RPS24: variants seen among roughly 807,000 people sequenced by gnomAD.
RPS24 encodes small ribosomal subunit protein eS24.
For synonymous variants in RPS24, 72 were observed against 55.6 expected (o/e 1.30, Z -1.31); for missense variants, 100 against 162.5 (o/e 0.62, Z 2.09).
intron 4 of RPS24, among the ~76,000 whole-genome samples, chr10:78,050,155 A>G (rs1848084468): frequency 1.3e-5 from 1 of 78,416 alleles, no homozygotes; most frequent in Middle Eastern, 4.6e-3. Context: ...CTTTGAGTCT[A>G]TGCCTCTCTC....
intron 4 of RPS24, among the ~76,000 whole-genome samples, chr10:78,046,260 T>C (rs1044968300): frequency 2.0e-5 from 3 of 151,984 alleles, no homozygotes; most frequent in African/African-American, 7.3e-5. Context: ...ATACTATTGC[T>C]AATTAATGAC....
intron 4 of RPS24, among the ~76,000 whole-genome samples, chr10:78,046,208 G>T (rs1028026764): frequency 6.6e-6 from 1 of 152,164 alleles, no homozygotes; most frequent in African/African-American, 2.4e-5. Context: ...TCTCTAATGG[G>T]AATACTGTCT....
rs925624726 is a variant in RPS24 at position 78,035,533 on chromosome 10, G to C, written c.92G>C (p.Gly31Ala). The stretch of plus-strand genomic sequence containing the variant: ...TAGGTCATTGATGTCCTTCACCCCG[G>C]GAAGGCGACAGTGCCTAAGACAGAA... Reference protein sequence around the residue: ...KQMVIDVLHPGKATVPKTEIR... With the variant: ...KQMVIDVLHPAKATVPKTEIR... The change falls in exon 3 of 6, where the codon GGG (glycine) becomes GCG (alanine). Residue 31 changes from glycine to alanine, a missense_variant. By Grantham distance (60) the Gly-to-Ala change is moderately conservative (BLOSUM62 0). Transcript: ENST00000372360. 1 of 1,613,944 alleles carries C rather than the reference G, an allele frequency of 6.2e-7. No individual in the cohort carries two copies. Among genetic ancestry groups the C allele is most frequent in the African/African-American group, 1.3e-5 (1 of 74,878 alleles).
exon 5 of RPS24, chr10:78,056,383 A>G (rs1589338222): frequency 6.6e-6 from 1 of 151,948 alleles, no homozygotes; most frequent in South Asian, 2.1e-4. Flanking sequence ...TGCTCCCCAA[A>G]TTTGCTTTTC....
intron 4 of RPS24, among the ~76,000 whole-genome samples, chr10:78,050,816 T>TAGAG (rs1477488413): frequency 6.6e-6 from 1 of 151,364 alleles, no homozygotes; most frequent in East Asian, 1.9e-4. Context: ...AGAGACAGAG[T>TAGAG]CTCTACATTA....
chr10:78,037,299 A>G lies in RPS24; in HGVS notation c.385A>G (p.Lys129Glu). The G allele has an allele frequency of 6.3e-7, 1 of 1,598,098 alleles. No homozygotes were observed. The highest frequency in any genetic ancestry group is 8.5e-7 in the Non-Finnish European group (1 of 1,171,780). The change falls in exon 4 of 6, where the codon AAA becomes GAA. Residue 129 changes from lysine (K) to glutamate (E), a missense_variant. Physicochemically the swap from Lys to Glu is moderately conservative, Grantham distance 56 (BLOSUM62 1). Coordinates refer to ENST00000372360, the MANE Select transcript of RPS24 (RefSeq NM_033022.4). The part of the protein sequence containing the change: ...GTAKANVGAG[K>E]K ...TGCAAAGGCCAATGTTGGTGCTGGC[A>G]AAAAGGTATAGTTCATTAAGGAAAA...
exon 5 of RPS24, chr10:78,054,979 C>T: frequency 2.0e-6 from 3 of 1,481,548 alleles, no homozygotes; most frequent in Non-Finnish European, 2.7e-6. Flanking sequence ...TGCTTCTCCC[C>T]ACCTTCCTGC....
At chr10:78,042,803 C>T (rs530209813), downstream of RPS24, among the ~76,000 whole-genome samples, 3 of 152,294 alleles carry the variant, frequency 2.0e-5, no homozygotes, top group Admixed American at 1.3e-4. Context: ...CCTAGCACCA[C>T]AACCATGAGT....
At chr10:78,051,472 C>T (rs904863733) in intron 4 of RPS24, among the ~76,000 whole-genome samples, 4 of 152,218 alleles carry the variant, frequency 2.6e-5, no homozygotes, top group African/African-American at 9.7e-5. Context: ...GGATTTACCA[C>T]GTCAACATCA....
intron 3 of RPS24, 141 bp from the exon 4 acceptor site, chr10:78,037,053 A>C: frequency 1.1e-6 from 1 of 937,700 alleles, no homozygotes; most frequent in Admixed American, 2.4e-5. Flanking sequence ...TCCAGCAAAA[A>C]CATGCATTAA....
chr10:78,051,482 AGTTGATG>A (rs1848098179), intron 4 of RPS24, among the ~76,000 whole-genome samples: 1 of 152,202 alleles, frequency 6.6e-6, no homozygotes, highest in South Asian at 2.1e-4. Flanking sequence ...CGTCAACATC[AGTTGATG>A]GATATTTGTG....
chr10:78,044,158 G>A (rs991233085), downstream of RPS24, among the ~76,000 whole-genome samples: 2 of 152,098 alleles, frequency 1.3e-5, no homozygotes, highest in Admixed American at 1.3e-4. Flanking sequence ...TCCACTGGGG[G>A]TCTAAGAACG....
At chr10:78,037,357 T>C in intron 4 of RPS24, 53 bp downstream of exon 4, 1 of 1,545,188 alleles carries the variant, frequency 6.5e-7, no homozygotes, top group Non-Finnish European at 8.7e-7. Flanking sequence ...GGTCTTTAGT[T>C]TCTAGGAAAG....
intron 4 of RPS24, among the ~76,000 whole-genome samples, chr10:78,047,493 C>T (rs1298792037): frequency 2.0e-5 from 3 of 152,144 alleles, no homozygotes; most frequent in Non-Finnish European, 2.9e-5. Flanking sequence ...GACGTGGAAG[C>T]GGTCTGCTTT....
downstream of RPS24, among the ~76,000 whole-genome samples, chr10:78,045,018 C>T (rs1231535857): frequency 6.6e-6 from 1 of 151,910 alleles, no homozygotes; most frequent in Non-Finnish European, 1.5e-5. Flanking sequence ...GATGGAGTTT[C>T]ACTCTTGTTG....
downstream of RPS24, among the ~76,000 whole-genome samples, chr10:78,043,918 T>C (rs1255545816): frequency 1.3e-5 from 2 of 151,970 alleles, no homozygotes; most frequent in Admixed American, 6.6e-5. Flanking sequence ...CATCAGAAGG[T>C]CAATAGTAGC....
At chr10:78,035,850 G>C in intron 3 of RPS24, 130 bp downstream of exon 3, 1 of 830,766 alleles carries the variant, frequency 1.2e-6, no homozygotes, top group South Asian at 1.4e-5. Flanking sequence ...AAGAGAAAAA[G>C]TTATTTCATA....
chr10:78,040,198 A>AT lies in RPS24; in HGVS notation c.391-4dup. ...TCTCTTTTTCCCTTCCCCGCCACTGATTCAGTGAGCTGGAGATTGGATCAC... is the reference window on the plus strand; with the variant it reads ...TCTCTTTTTCCCTTCCCCGCCACTGATTTCAGTGAGCTGGAGATTGGATCAC... On this transcript the variant is annotated splice_polypyrimidine_tract_variant and splice_region_variant and intron_variant, in intron 4 of 5. Transcript: ENST00000372360. 6.2e-7 allele frequency: 1 copy of AT among 1,613,482 alleles called. No homozygotes were observed. Among genetic ancestry groups the AT allele is most frequent in the Non-Finnish European group, 8.5e-7 (1 of 1,179,492 alleles).
chr10:78,041,301 G>T (rs1318159465), downstream of RPS24, among the ~76,000 whole-genome samples: 1 of 152,196 alleles, frequency 6.6e-6, no homozygotes, highest in African/African-American at 2.4e-5. Flanking sequence ...AGAAAAGATG[G>T]TCACAGCCCC....
Sources: gnomAD v4.1 joint callset for allele counts (sites outside exome capture counted in the v4.1 genomes callset) on GRCh38, gnomAD v4.1.1 for gene constraint, MANE v1.5 for transcripts, NCBI Gene and HGNC (gene_info 2026-07-23, HGNC 2026-07-21) for gene names.